The following ZNF787 variants were observed in gnomAD, a reference collection of about 807,000 sequenced individuals.
ZNF787 encodes zinc finger protein 787.
In ZNF787, 7 loss-of-function variants were observed where a neutral mutation model predicts 16.9. The ratio of observed to expected loss-of-function variants is 0.42; its 90% CI spans 0.24 to 0.78. ZNF787 has a LOEUF of 0.78. Among genes scored for constraint, ZNF787 ranks in the 30% least tolerant of loss-of-function variants. ZNF787 has a pLI of 0.30. For missense variants in ZNF787, 551 were observed against 589.3 expected, an observed-to-expected ratio of 0.94 and a Z score of 0.67; for synonymous variants, 345 against 270.9, an observed-to-expected ratio of 1.27 and a Z score of -2.69.
chr19:56,105,391 A>G (rs950831502), intron 1 of ZNF787: 1 of 152,176 alleles, frequency 6.6e-6, no homozygotes, highest in African/African-American at 2.4e-5. Context: ...CGACAGCCGA[A>G]TAAGGGCAAT....
chr19:56,107,364 A>G (rs78034677), intron 1 of ZNF787, among the ~76,000 whole-genome samples: 3,308 of 152,258 alleles, frequency 0.022, 114 homozygotes, highest in African/African-American at 0.075. Context: ...ACGTGGGAAC[A>G]TGAAGGCCGC....
At chr19:56,089,886 G>A (rs530176828) in intron 2 of ZNF787, among the ~76,000 whole-genome samples, 19 of 152,302 alleles carry the variant, frequency 1.2e-4, no homozygotes, top group African/African-American at 4.1e-4. Flanking sequence ...TCTCCCGGGA[G>A]GGATGGGCTT....
Sources: allele counts gnomAD v4.1 joint callset (sites outside exome capture counted in the v4.1 genomes callset), GRCh38; gene constraint gnomAD v4.1.1; transcripts MANE v1.5; gene names NCBI Gene and HGNC (gene_info 2026-07-23, HGNC 2026-07-21).